GABRB2: variants seen among roughly 807,000 people sequenced by gnomAD.
GABRB2 encodes gamma-aminobutyric acid receptor subunit beta-2.
Under a neutral mutation model 54.7 loss-of-function variants are expected in GABRB2, and 16 were observed. The observed-to-expected ratio is 0.29, with a 90% confidence interval of 0.20 to 0.44. The LOEUF (loss-of-function observed/expected upper bound fraction) is 0.44. GABRB2 is among the 20% of genes least tolerant of loss of function. GABRB2 has a pLI of 1.00. For synonymous variants in GABRB2, 244 were observed against 233.8 expected (o/e 1.04, Z -0.40); for missense variants, 355 against 644.0 (o/e 0.55, Z 4.86).
At chr5:161,299,794 A>T (rs1757483968) in intron 9 of GABRB2, among the ~76,000 whole-genome samples, 1 of 152,132 alleles carries the variant, frequency 6.6e-6, no homozygotes, top group Admixed American at 6.5e-5. Context: ...CATTTAATTC[A>T]TCTCATTTAA....
At chr5:161,370,785 G>A (rs774882294) in intron 5 of GABRB2, among the ~76,000 whole-genome samples, 22 of 152,086 alleles carry the variant, frequency 1.4e-4, no homozygotes, top group Non-Finnish European at 2.6e-4. Flanking sequence ...ATTACTCACC[G>A]GAAAATTTAA....
intron 5 of GABRB2, among the ~76,000 whole-genome samples, chr5:161,362,091 T>TGTG (rs1754830831): frequency 6.6e-6 from 1 of 152,132 alleles, no homozygotes; most frequent in South Asian, 2.1e-4. Flanking sequence ...ACTGTAGATG[T>TGTG]GTGGTTTTAT....
At chr5:161,365,893 A>T (rs1190746546) in intron 5 of GABRB2, among the ~76,000 whole-genome samples, 1 of 151,906 alleles carries the variant, frequency 6.6e-6, no homozygotes, top group African/African-American at 2.4e-5. Context: ...ATTCACTACG[A>T]TTTGGGAATA....
intron 5 of GABRB2, among the ~76,000 whole-genome samples, chr5:161,361,950 G>A (rs551991845): frequency 1.3e-5 from 2 of 152,170 alleles, no homozygotes; most frequent in African/African-American, 4.8e-5. Flanking sequence ...GTTAATTTTT[G>A]CATAAGGTGT....
intron 5 of GABRB2, among the ~76,000 whole-genome samples, chr5:161,383,472 T>C (rs1400432088): frequency 6.6e-6 from 1 of 152,178 alleles, no homozygotes; most frequent in Non-Finnish European, 1.5e-5. Context: ...CTTGAAGTAT[T>C]ATCACTTCAT....
chr5:161,498,860 A>G (rs1759338812), intron 3 of GABRB2, among the ~76,000 whole-genome samples: 1 of 152,162 alleles, frequency 6.6e-6, no homozygotes, highest in East Asian at 1.9e-4. Context: ...TTGCTCTCCC[A>G]GGCTCATAAA....
chr5:161,436,746 A>T (rs1271109539), intron 4 of GABRB2, among the ~76,000 whole-genome samples: 1 of 152,192 alleles, frequency 6.6e-6, no homozygotes, highest in Non-Finnish European at 1.5e-5. Context: ...AAGAGATGGA[A>T]AAAAGAGTTT....
chr5:161,528,294 C>T (rs1760345075), intron 3 of GABRB2, among the ~76,000 whole-genome samples: 1 of 151,670 alleles, frequency 6.6e-6, no homozygotes, highest in Non-Finnish European at 1.5e-5. Context: ...TGGGTGATGA[C>T]ACTGAGATCT....
chr5:161,522,725 C>T (rs1000692529), intron 3 of GABRB2, among the ~76,000 whole-genome samples: 3 of 151,538 alleles, frequency 2.0e-5, no homozygotes, highest in African/African-American at 4.8e-5. Flanking sequence ...CTCAAGGTCA[C>T]TCATGAGTGA....
intron 5 of GABRB2, among the ~76,000 whole-genome samples, chr5:161,346,270 T>C (rs1392170539): frequency 6.6e-6 from 1 of 152,086 alleles, no homozygotes; most frequent in Non-Finnish European, 1.5e-5. Context: ...GCCTGATAGA[T>C]TTTGGAAACC....
intron 5 of GABRB2, among the ~76,000 whole-genome samples, chr5:161,379,862 G>A (rs1755414755): frequency 1.3e-5 from 2 of 152,082 alleles, no homozygotes; most frequent in African/African-American, 4.8e-5. Context: ...CAGTGTGAAA[G>A]GGCTGACTGC....
chr5:161,451,153 T>TGTAATA (rs2113236796), intron 4 of GABRB2, among the ~76,000 whole-genome samples: 1 of 152,314 alleles, frequency 6.6e-6, no homozygotes, highest in Non-Finnish European at 1.5e-5. Flanking sequence ...CCTGCCTGTC[T>TGTAATA]AAATTCATTA....
chr5:161,449,576 C>A (rs1219725360), intron 4 of GABRB2, among the ~76,000 whole-genome samples: 9 of 152,096 alleles, frequency 5.9e-5, no homozygotes, highest in African/African-American at 1.9e-4. Context: ...AAAACTTAAT[C>A]ATTAAACCAA....
intron 8 of GABRB2, among the ~76,000 whole-genome samples, chr5:161,328,151 A>G (rs935165505): frequency 2.0e-5 from 3 of 152,188 alleles, no homozygotes; most frequent in Non-Finnish European, 4.4e-5. Flanking sequence ...TACCCTTTGA[A>G]AAATGATTTT....
intron 4 of GABRB2, among the ~76,000 whole-genome samples, chr5:161,417,410 TC>T (rs1756709785): frequency 6.6e-6 from 1 of 152,192 alleles, no homozygotes; most frequent in Non-Finnish European, 1.5e-5. Context: ...AGAGTGATTT[TC>T]CCCAAGAGTC....
intron 3 of GABRB2, among the ~76,000 whole-genome samples, chr5:161,515,638 A>C (rs543434957): frequency 2.4e-4 from 37 of 152,202 alleles, no homozygotes; most frequent in Non-Finnish European, 5.0e-4. Context: ...TTAGAGTTAA[A>C]GGTTAGAAGA....
intron 5 of GABRB2, among the ~76,000 whole-genome samples, chr5:161,376,957 AAAC>A (rs1755323357): frequency 6.6e-6 from 1 of 152,108 alleles, no homozygotes; most frequent in Non-Finnish European, 1.5e-5. Flanking sequence ...AAGAAGAAAA[AAAC>A]AAAGAAGAAG....
chr5:161,372,565 C>T (rs1755163917), intron 5 of GABRB2, among the ~76,000 whole-genome samples: 1 of 152,080 alleles, frequency 6.6e-6, no homozygotes, highest in African/African-American at 2.4e-5. Flanking sequence ...TATGTCTCCC[C>T]CTTTTCTTAT....
intron 2 of GABRB2, 84 bp from the exon 3 acceptor site, chr5:161,545,378 T>C: frequency 1.1e-6 from 1 of 917,302 alleles, no homozygotes; most frequent in South Asian, 2.4e-5. Context: ...TAAGACACTC[T>C]GCCCAAAACC....
Sources: gnomAD v4.1 joint callset for allele counts (sites outside exome capture counted in the v4.1 genomes callset) on GRCh38, gnomAD v4.1.1 for gene constraint, MANE v1.5 for transcripts, NCBI Gene and HGNC (gene_info 2026-07-23, HGNC 2026-07-21) for gene names.